The following MGLL variants were observed in gnomAD, a reference collection of about 807,000 sequenced individuals.
The protein encoded by MGLL is monoglyceride lipase, also known as lysophospholipase homolog.
MGLL carries 7 observed loss-of-function variants against 29.1 expected under a neutral mutation model. That is an observed-to-expected ratio of 0.24 (90% CI 0.14 to 0.45). The LOEUF (loss-of-function observed/expected upper bound fraction) is 0.45. MGLL is among the 20% of genes least tolerant of loss of function. The pLI is 0.99. For missense variants in MGLL, 356 were observed against 413.6 expected (o/e 0.86, Z 1.21); for synonymous variants, 148 against 168.3 (o/e 0.88, Z 0.93).
chr3:127,721,136 C>T lies in MGLL; in HGVS notation c.427G>A (p.Ala143Thr), dbSNP rs200703589. Residue 143 changes from alanine to threonine, a missense_variant, in exon 5 of 8, where the codon GCA becomes ACA. By Grantham distance (58) the Ala-to-Thr change is moderately conservative. Coordinates refer to ENST00000265052, the MANE Select transcript of MGLL (RefSeq NM_007283.7). ...CCGGCGAAGTGGCCCGGCCTCTCTG[C>T]GGCCGTGAGGATGGCGATGGCGCCT... Reference protein sequence around the residue: ...MGGAIAILTAAERPGHFAGMV... With the variant: ...MGGAIAILTATERPGHFAGMV... 4.0e-4 allele frequency: 653 copies of T among 1,614,186 alleles called. No individual in the cohort carries two copies. Among genetic ancestry groups the T allele is most frequent in the Middle Eastern group, 2.3e-3 (14 of 6,062 alleles).
intron 3 of MGLL, among the ~76,000 whole-genome samples, chr3:127,741,635 G>A (rs1311144353): frequency 1.3e-5 from 2 of 152,206 alleles, no homozygotes; most frequent in East Asian, 3.8e-4. Context: ...TTGCCTCCTT[G>A]CTCAGTCAAC....
intron 6 of MGLL, among the ~76,000 whole-genome samples, chr3:127,704,316 G>A (rs534106950): frequency 5.3e-5 from 8 of 152,190 alleles, no homozygotes; most frequent in Admixed American, 1.3e-4. Context: ...ACTTAGGCAC[G>A]GGCAAAGATT....
intron 3 of MGLL, among the ~76,000 whole-genome samples, chr3:127,775,684 A>G (rs936562595): frequency 6.6e-6 from 1 of 152,222 alleles, no homozygotes; most frequent in Non-Finnish European, 1.5e-5. Flanking sequence ...GTTCGTTTAT[A>G]CTTTGTAAAT....
At chr3:127,785,910 G>T (rs1206189066) in intron 2 of MGLL, among the ~76,000 whole-genome samples, 3 of 152,176 alleles carry the variant, frequency 2.0e-5, no homozygotes, top group African/African-American at 7.2e-5. Flanking sequence ...CCTAGACTAG[G>T]GGAGCCCGAC....
At chr3:127,709,228 G>A (rs2075662603) in intron 6 of MGLL, among the ~76,000 whole-genome samples, 1 of 152,158 alleles carries the variant, frequency 6.6e-6, no homozygotes, top group Admixed American at 6.5e-5. Flanking sequence ...CCACACACTG[G>A]TCCCTAATGG....
intron 3 of MGLL, among the ~76,000 whole-genome samples, chr3:127,732,872 T>C (rs554488478): frequency 5.3e-5 from 8 of 152,270 alleles, no homozygotes; most frequent in African/African-American, 1.9e-4. Context: ...ACACCATGAC[T>C]GGGTCTCAGG....
At chr3:127,707,788 T>G (rs2075631103) in intron 6 of MGLL, among the ~76,000 whole-genome samples, 2 of 152,220 alleles carry the variant, frequency 1.3e-5, no homozygotes, top group African/African-American at 2.4e-5. Context: ...TCCTGAAGGC[T>G]TCACACATGC....
intron 2 of MGLL, among the ~76,000 whole-genome samples, chr3:127,788,533 C>T (rs978339235): frequency 6.6e-6 from 1 of 152,172 alleles, no homozygotes; most frequent in Admixed American, 6.5e-5. Context: ...CCAGCTTATC[C>T]TCTCTCTGGT....
At chr3:127,751,264 C>A (rs2076552952) in intron 3 of MGLL, among the ~76,000 whole-genome samples, 1 of 152,098 alleles carries the variant, frequency 6.6e-6, no homozygotes, top group African/African-American at 2.4e-5. Context: ...CCTGTCCATG[C>A]CGCTCTGCAA....
chr3:127,690,537 G>C lies in MGLL; in HGVS notation c.*1661C>G, dbSNP rs961558702. Reference sequence around the variant, plus strand: ...CCAGAACAGGGCCTGGGAGAGCAGTGGCAGTTCCCGCTGCTGGAGGAAGAA... The same window carrying C: ...CCAGAACAGGGCCTGGGAGAGCAGTCGCAGTTCCCGCTGCTGGAGGAAGAA... On this transcript the variant is annotated 3_prime_UTR_variant, in exon 8 of 8. Coordinates refer to ENST00000265052, the MANE Select transcript of MGLL (RefSeq NM_007283.7). 4.6e-5 allele frequency: 7 copies of C among 152,736 alleles called. No homozygotes were observed. Among genetic ancestry groups the C allele is most frequent in the Non-Finnish European group, 4.4e-5 (3 of 68,166 alleles). The allele number at this position is 152,736 out of a possible 1,614,324, so 9.5% of individuals were successfully genotyped here.
chr3:127,767,134 C>A (rs1252187701), intron 3 of MGLL, among the ~76,000 whole-genome samples: 1 of 141,222 alleles, frequency 7.1e-6, no homozygotes, highest in Non-Finnish European at 1.5e-5. Flanking sequence ...TCCTTTAAGG[C>A]TTACCTTCCT....
chr3:127,720,581 G>A (rs890911088), intron 5 of MGLL, among the ~76,000 whole-genome samples: 2 of 152,156 alleles, frequency 1.3e-5, no homozygotes, highest in Admixed American at 6.5e-5. Context: ...ACAAAATCAC[G>A]GATCCCTAAC....
chr3:127,750,410 C>T (rs2076536365), intron 3 of MGLL, among the ~76,000 whole-genome samples: 1 of 152,166 alleles, frequency 6.6e-6, no homozygotes, highest in South Asian at 2.1e-4. Context: ...CATCTCCCGT[C>T]ACGCTTCAAA....
intron 7 of MGLL, among the ~76,000 whole-genome samples, chr3:127,692,647 G>T (rs922189047): frequency 1.3e-5 from 2 of 152,022 alleles, no homozygotes; most frequent in Non-Finnish European, 2.9e-5. Context: ...TTCCACTCCC[G>T]GCCTCACATC....
intron 6 of MGLL, among the ~76,000 whole-genome samples, chr3:127,697,630 C>T (rs6765071): frequency 0.15 from 23,288 of 152,156 alleles, 1,907 homozygotes; most frequent in Middle Eastern, 0.36. Context: ...GTCACATGAC[C>T]ACGTTCTGGC....
intron 4 of MGLL, among the ~76,000 whole-genome samples, chr3:127,721,408 T>C (rs973858153): frequency 6.6e-6 from 1 of 152,106 alleles, no homozygotes; most frequent in Non-Finnish European, 1.5e-5. Context: ...AGGTTCCTGC[T>C]TGTGGGCCGC....
At chr3:127,698,617 C>T (rs2075419003) in intron 6 of MGLL, among the ~76,000 whole-genome samples, 1 of 152,030 alleles carries the variant, frequency 6.6e-6, no homozygotes, top group Admixed American at 6.5e-5. Context: ...GATGCAGCTG[C>T]AAAAGGGCAA....
chr3:127,700,870 C>T (rs1308530710), intron 6 of MGLL, among the ~76,000 whole-genome samples: 1 of 152,188 alleles, frequency 6.6e-6, no homozygotes, highest in East Asian at 1.9e-4. Context: ...TGCTTTCCTT[C>T]AGTGCATTGT....
Position 127,821,770 on chromosome 3 carries a change from G to C in MGLL, c.79C>G (p.Gln27Glu). Residue 27 changes from glutamine (Q) to glutamate (E), a missense_variant, in exon 2 of 8, where the codon CAG becomes GAG. Physicochemically the swap from Gln to Glu is conservative, Grantham distance 29. Coordinates refer to ENST00000265052, the MANE Select transcript of MGLL (RefSeq NM_007283.7). ...GCATTGACCAGGTGAGGGAGGTCCT[G>C]GTAGGGAATGCTCTGCGGGGTCCGC... ...PRRTPQSIPY[Q>E]DLPHLVNADG... 6.2e-7 allele frequency: 1 copy of C among 1,614,166 alleles called. No homozygotes were observed. The highest frequency in any genetic ancestry group is 1.1e-5 in the South Asian group (1 of 91,076).
Sources: allele counts gnomAD v4.1 joint callset (sites outside exome capture counted in the v4.1 genomes callset), GRCh38; gene constraint gnomAD v4.1.1; transcripts MANE v1.5; gene names NCBI Gene and HGNC (gene_info 2026-07-23, HGNC 2026-07-21).